Variants in DNAJC5B observed in about 807,000 individuals in gnomAD.
The protein encoded by DNAJC5B is DnaJ heat shock protein family (Hsp40) member C5 beta, also known as dnaJ homolog subfamily C member 5B.
A neutral mutation model predicts 24.7 loss-of-function variants in DNAJC5B; 23 were observed. The ratio of observed to expected loss-of-function variants is 0.93; its 90% CI spans 0.67 to 1.32. The LOEUF is 1.32. Among genes scored for constraint, DNAJC5B ranks in the 40% most tolerant of loss-of-function variants. The pLI is 0.00. For synonymous variants in DNAJC5B, 101 were observed against 90.1 expected, an observed-to-expected ratio of 1.12 and a Z score of -0.68; for missense variants, 238 against 240.8, an observed-to-expected ratio of 0.99 and a Z score of 0.08.
chr8:66,031,258 CATATGTT>C (rs1806355457), intron 1 of DNAJC5B, among the ~76,000 whole-genome samples: 1 of 152,172 alleles, frequency 6.6e-6, no homozygotes, highest in South Asian at 2.1e-4. Flanking sequence ...TTGATACACA[CATATGTT>C]ATTATAAATG....
chr8:66,058,592 G>C (rs576104242), intron 3 of DNAJC5B, among the ~76,000 whole-genome samples: 1 of 152,232 alleles, frequency 6.6e-6, no homozygotes, highest in South Asian at 2.1e-4. Flanking sequence ...AGTTGGGAAA[G>C]AAATTTTCAG....
chr8:66,093,914 A>ACTC (rs1228754490), intron 5 of DNAJC5B, among the ~76,000 whole-genome samples: 1 of 152,000 alleles, frequency 6.6e-6, no homozygotes. Flanking sequence ...ATGATGTGGG[A>ACTC]CTCCAATTTC....
chr8:66,029,186 A>G (rs1806309475), intron 1 of DNAJC5B, among the ~76,000 whole-genome samples: 1 of 152,184 alleles, frequency 6.6e-6, no homozygotes, highest in South Asian at 2.1e-4. Context: ...TTCTCCTGAC[A>G]TTTAAAAAAT....
intron 2 of DNAJC5B, among the ~76,000 whole-genome samples, chr8:66,048,969 T>C (rs1226347715): frequency 6.6e-6 from 1 of 152,218 alleles, no homozygotes; most frequent in Non-Finnish European, 1.5e-5. Flanking sequence ...CTCTATGAGA[T>C]CCCTCGTCTG....
the DNAJC5B span, among the ~76,000 whole-genome samples, chr8:66,015,758 T>C: frequency 4.1e-4 from 62 of 152,228 alleles, no homozygotes; most frequent in Non-Finnish European, 8.4e-4. Context: ...TGGATGTATT[T>C]AGAGTAGGGT....
chr8:66,072,032 C>T (rs1450364114), intron 3 of DNAJC5B, among the ~76,000 whole-genome samples: 1 of 120,792 alleles, frequency 8.3e-6, no homozygotes, highest in African/African-American at 3.3e-5. Context: ...GTGAATATCA[C>T]ACAGTGGGGC....
intron 5 of DNAJC5B, among the ~76,000 whole-genome samples, chr8:66,085,796 A>G (rs1807711640): frequency 6.6e-6 from 1 of 152,004 alleles, no homozygotes. Context: ...GCTTTTCCAT[A>G]TAAATTTTAG....
chr8:66,050,499 T>C (rs1806822138), intron 2 of DNAJC5B, among the ~76,000 whole-genome samples: 1 of 152,118 alleles, frequency 6.6e-6, no homozygotes, highest in African/African-American at 2.4e-5. Flanking sequence ...AAATGTTCAA[T>C]TGTATAGGTT....
At chr8:66,032,748 C>T (rs147811424) in intron 1 of DNAJC5B, among the ~76,000 whole-genome samples, 40 of 152,294 alleles carry the variant, frequency 2.6e-4, no homozygotes, top group African/African-American at 9.6e-4. Context: ...CAGGCCTGGG[C>T]TTTCCCTTCT....
chr8:66,051,719 C>A, intron 3 of DNAJC5B, 53 bp downstream of exon 3: 2 of 1,346,322 alleles, frequency 1.5e-6, no homozygotes, highest in Non-Finnish European at 1.0e-6. Context: ...TATTTTGTGA[C>A]TGGCAGATTC....
chr8:66,027,048 C>T (rs1024025462), intron 1 of DNAJC5B, among the ~76,000 whole-genome samples: 1 of 152,204 alleles, frequency 6.6e-6, no homozygotes, highest in Non-Finnish European at 1.5e-5. Context: ...CCCTCATCCT[C>T]CTTTCAAGCC....
intron 1 of DNAJC5B, among the ~76,000 whole-genome samples, chr8:66,027,718 G>C (rs566180390): frequency 6.6e-6 from 1 of 152,140 alleles, no homozygotes; most frequent in South Asian, 2.1e-4. Flanking sequence ...TTTTTTTAAT[G>C]TTAGGATATG....
At chr8:66,029,978 T>C (rs193181478) in intron 1 of DNAJC5B, among the ~76,000 whole-genome samples, 28 of 152,342 alleles carry the variant, frequency 1.8e-4, no homozygotes, top group East Asian at 3.9e-4. Context: ...GGGCAACTAG[T>C]TATTCAATAA....
intron 1 of DNAJC5B, among the ~76,000 whole-genome samples, chr8:66,035,227 C>A (rs1264036651): frequency 6.6e-6 from 1 of 152,186 alleles, no homozygotes; most frequent in Non-Finnish European, 1.5e-5. Flanking sequence ...TAAATATTTC[C>A]CAGCACCACT....
At chr8:66,046,312 T>A (rs1181084256) in intron 2 of DNAJC5B, among the ~76,000 whole-genome samples, 1 of 152,158 alleles carries the variant, frequency 6.6e-6, no homozygotes, top group Non-Finnish European at 1.5e-5. Context: ...GGGAAAACAC[T>A]TGCCACCATA....
intron 3 of DNAJC5B, among the ~76,000 whole-genome samples, chr8:66,052,099 G>T (rs1391518067): frequency 2.0e-5 from 3 of 151,820 alleles, no homozygotes; most frequent in Non-Finnish European, 4.4e-5. Context: ...GAGTAGCTGG[G>T]ATTACAGACA....
intron 5 of DNAJC5B, among the ~76,000 whole-genome samples, chr8:66,097,779 C>G (rs1380794438): frequency 6.6e-6 from 1 of 152,110 alleles, no homozygotes; most frequent in Non-Finnish European, 1.5e-5. Flanking sequence ...TTTAGCTTCA[C>G]AGTTTTTTTA....
At chr8:66,021,946 T>A (rs1385809652) in intron 1 of DNAJC5B, among the ~76,000 whole-genome samples, 1 of 152,150 alleles carries the variant, frequency 6.6e-6, no homozygotes, top group Non-Finnish European at 1.5e-5. Context: ...CCTCCCCGGA[T>A]GACAGGGTAG....
intron 1 of DNAJC5B, among the ~76,000 whole-genome samples, chr8:66,037,141 G>A (rs1452563574): frequency 6.6e-6 from 1 of 152,232 alleles, no homozygotes; most frequent in Non-Finnish European, 1.5e-5. Context: ...GATTGCTGAG[G>A]TTGCACAGTT....
Sources: gnomAD v4.1 joint callset for allele counts (sites outside exome capture counted in the v4.1 genomes callset) on GRCh38, gnomAD v4.1.1 for gene constraint, MANE v1.5 for transcripts, NCBI Gene and HGNC (gene_info 2026-07-23, HGNC 2026-07-21) for gene names.